ZNF423: variants seen among roughly 807,000 people sequenced by gnomAD.
ZNF423 encodes the protein Ebf-associated zinc finger protein.
A neutral mutation model predicts 95.8 loss-of-function variants in ZNF423; 12 were observed. That is an observed-to-expected ratio of 0.13 (90% CI 0.08 to 0.20). ZNF423 has a LOEUF of 0.20. Among genes scored for constraint, ZNF423 ranks in the 10% least tolerant of loss-of-function variants. The probability of loss-of-function intolerance (pLI) is 1.00; values close to 1 mark genes in which losing one functional copy is unlikely to be tolerated. For synonymous variants in ZNF423, 749 were observed against 711.9 expected (o/e 1.05, Z -0.83); for missense variants, 1,316 against 1,737.1 (o/e 0.76, Z 4.31).
intron 2 of ZNF423, among the ~76,000 whole-genome samples, chr16:49,733,418 T>C (rs1476205863): frequency 6.6e-6 from 1 of 152,258 alleles, no homozygotes; most frequent in Admixed American, 6.5e-5. Flanking sequence ...TAATAGCTCA[T>C]CTAATCCACA....
intron 2 of ZNF423, among the ~76,000 whole-genome samples, chr16:49,765,961 G>T (rs2033922023): frequency 6.6e-6 from 1 of 152,150 alleles, no homozygotes; most frequent in African/African-American, 2.4e-5. Flanking sequence ...TGAGAATAGA[G>T]TTTCACCTGG....
chr16:49,628,949 G>A (rs12923567), intron 4 of ZNF423, among the ~76,000 whole-genome samples: 7,986 of 152,262 alleles, frequency 0.052, 255 homozygotes, highest in Non-Finnish European at 0.071. Flanking sequence ...AAGAAAGAGG[G>A]GTGGTATTGG....
intron 3 of ZNF423, among the ~76,000 whole-genome samples, chr16:49,671,353 T>C (rs1436517859): frequency 2.0e-5 from 3 of 152,170 alleles, no homozygotes; most frequent in Admixed American, 1.3e-4. Flanking sequence ...AGACAAACCA[T>C]AGGCCCTGGG....
At chr16:49,581,101 C>T (rs943403945) in intron 5 of ZNF423, among the ~76,000 whole-genome samples, 1 of 152,122 alleles carries the variant, frequency 6.6e-6, no homozygotes, top group South Asian at 2.1e-4. Context: ...ACTCACCACC[C>T]GCTCCCCAAA....
chr16:49,488,625 C>T lies in ZNF423; in HGVS notation c.*2650G>A, dbSNP rs1966877774. 1 of 152,142 alleles carries T rather than the reference C, an allele frequency of 6.6e-6. No individual in the cohort carries two copies. Among genetic ancestry groups the T allele is most frequent in the Non-Finnish European group, 1.5e-5 (1 of 68,036 alleles). 9.4% of individuals were successfully genotyped at this position (152,142 alleles called of 1,614,324 possible). On this transcript the variant is annotated 3_prime_UTR_variant, in exon 8 of 8. Coordinates refer to ENST00000563137, the MANE Select transcript of ZNF423 (RefSeq NM_001379286.1). ...TGCTTACAGGTCTCTGTGTGCAGCC[C>T]TTTGTCAGGCATCACTTCATACAAG...
In ZNF423 at chr16:49,739,695, G is replaced by GTTTTTTTTTTTTTTTTTTTTTT. The variant is rs1567321248; in HGVS notation, c.101-8725_101-8724insAAAAAAAAAAAAAAAAAAAAAA. The stretch of plus-strand genomic sequence containing the variant: ...CACGTTTGTTTTTTTGTTTTTGTTT[G>GTTTTTTTTTTTTTTTTTTTTTT]GTTTTTTTTTTTTTTTTTTTGGAGA... On this transcript the variant is annotated intron_variant, in intron 2 of 7. Transcript: ENST00000563137. Among the ~76,000 whole-genome samples the GTTTTTTTTTTTTTTTTTTTTTT allele has an allele frequency of 1.5e-5, 2 of 132,734 alleles. 1 individual carries two copies. The allele number at this position is 132,734 out of a possible 152,430, so 87.1% of individuals were successfully genotyped here.
At chr16:49,755,526 A>AC (rs1413912950) in intron 2 of ZNF423, among the ~76,000 whole-genome samples, 6 of 152,202 alleles carry the variant, frequency 3.9e-5, no homozygotes, top group Non-Finnish European at 7.3e-5. Context: ...TAATGAAAAA[A>AC]ACACACACAT....
In ZNF423 at chr16:49,638,707, G is replaced by C; in HGVS notation, c.469C>G (p.Arg157Gly). The C allele has an allele frequency of 6.2e-7, 1 of 1,614,194 alleles. No individual in the cohort carries two copies. Among genetic ancestry groups the C allele is most frequent in the Non-Finnish European group, 8.5e-7 (1 of 1,180,058 alleles). The change falls in exon 4 of 8, where the codon CGC (arginine) becomes GGC (glycine). Residue 157 changes from arginine (R) to glycine (G), a missense_variant. This residue lies in a region of ZNF423 where 58 missense variants were observed against 116.9 expected (regional missense o/e 0.50). Coordinates refer to ENST00000563137, the MANE Select transcript of ZNF423 (RefSeq NM_001379286.1). This position sits in a 1 kb window ranked among gnomAD's most constrained non-coding sequence, Gnocchi z 5.6. Reference sequence around the variant, plus strand: ...TCGTGCCTCTTCAAGTAGCTCAAGCGGATGAAGGACTTGTCGCAGAACTGG... The same window carrying C: ...TCGTGCCTCTTCAAGTAGCTCAAGCCGATGAAGGACTTGTCGCAGAACTGG... ...PCQFCDKSFI[R>G]LSYLKRHEQI...
At chr16:49,613,605 G>A (rs1228601867) in intron 5 of ZNF423, among the ~76,000 whole-genome samples, 1 of 152,202 alleles carries the variant, frequency 6.6e-6, no homozygotes, top group Non-Finnish European at 1.5e-5. Context: ...AGTTGGTGCT[G>A]AGGCAGGAGG....
chr16:49,609,248 C>A (rs924612647), intron 5 of ZNF423, among the ~76,000 whole-genome samples: 1 of 152,050 alleles, frequency 6.6e-6, no homozygotes, highest in Non-Finnish European at 1.5e-5. Flanking sequence ...TCAAAGGAAG[C>A]CAGCTAAAAC....
intron 3 of ZNF423, among the ~76,000 whole-genome samples, chr16:49,658,246 G>C (rs1386810391): frequency 1.3e-5 from 2 of 152,180 alleles, no homozygotes; most frequent in Non-Finnish European, 2.9e-5. Context: ...GCAGGGACGA[G>C]GGCGCACCTT....
chr16:49,699,961 T>A (rs2032113209), intron 3 of ZNF423, among the ~76,000 whole-genome samples: 2 of 151,962 alleles, frequency 1.3e-5, no homozygotes, highest in African/African-American at 4.8e-5. Flanking sequence ...CAGGCCAGGA[T>A]ATCAGCCTCC....
chr16:49,853,902 A>T, intron 1 of ZNF423: 1 of 985,418 alleles, frequency 1.0e-6, no homozygotes, highest in Non-Finnish European at 1.2e-6. Context: ...TTGCAAACTC[A>T]AAATCAACTG....
intron 1 of ZNF423, among the ~76,000 whole-genome samples, chr16:49,832,373 C>T (rs1368978136): frequency 6.6e-6 from 1 of 152,130 alleles, no homozygotes; most frequent in Non-Finnish European, 1.5e-5. Context: ...AGGAAAAGGC[C>T]AGGAATGTTC....
At chr16:49,513,926 A>G (rs1968012822) in intron 7 of ZNF423, among the ~76,000 whole-genome samples, 1 of 151,994 alleles carries the variant, frequency 6.6e-6, no homozygotes, top group African/African-American at 2.4e-5. Context: ...TGCATCTAGG[A>G]AGCCCCATCT....
At chr16:49,857,261 G>C (rs1185180201), upstream of ZNF423, among the ~76,000 whole-genome samples, 1 of 149,690 alleles carries the variant, frequency 6.7e-6, no homozygotes, top group Non-Finnish European at 1.5e-5. The surrounding 1 kb of genome is among the most constrained non-coding windows in gnomAD (Gnocchi z 6.2). Context: ...GCGATGGACA[G>C]CGCTGGAAAT....
intron 2 of ZNF423, among the ~76,000 whole-genome samples, chr16:49,752,084 C>T (rs1356993206): frequency 1.3e-5 from 2 of 152,258 alleles, no homozygotes; most frequent in Non-Finnish European, 2.9e-5. Flanking sequence ...ACCCCCAAAT[C>T]CAGCTCCTGC....
chr16:49,547,786 T>G (rs987636116), intron 5 of ZNF423, among the ~76,000 whole-genome samples: 1 of 152,246 alleles, frequency 6.6e-6, no homozygotes, highest in Admixed American at 6.5e-5. Flanking sequence ...TAGGAGGCTA[T>G]GCAACCACAC....
At chr16:49,593,250 T>C (rs139661148) in intron 5 of ZNF423, among the ~76,000 whole-genome samples, 4,234 of 152,028 alleles carry the variant, frequency 0.028, 80 homozygotes, top group Non-Finnish European at 0.035. Flanking sequence ...CTGGGCAACA[T>C]AGCAAGATCC....
Sources: allele counts gnomAD v4.1 joint callset (sites outside exome capture counted in the v4.1 genomes callset), GRCh38; gene constraint gnomAD v4.1.1; regional missense constraint gnomAD v4.1.1; non-coding constraint Gnocchi (gnomAD v3.1); transcripts MANE v1.5; gene names NCBI Gene and HGNC (gene_info 2026-07-23, HGNC 2026-07-21).